Variants in HIGD1A observed in about 807,000 individuals in gnomAD.
The protein encoded by HIGD1A is HIG1 domain family member 1A, mitochondrial.
HIGD1A carries 8 observed loss-of-function variants against 11.3 expected under a neutral mutation model. The ratio of observed to expected loss-of-function variants is 0.71; its 90% confidence interval spans 0.42 to 1.28. The LOEUF is 1.28. Among genes scored for constraint, HIGD1A ranks in the 50% most tolerant of loss-of-function variants. The pLI is 0.01. For synonymous variants in HIGD1A, 32 were observed against 38.4 expected, an observed-to-expected ratio of 0.83 and a Z score of 0.62; for missense variants, 107 against 118.8, an observed-to-expected ratio of 0.90 and a Z score of 0.46.
intron 2 of HIGD1A, among the ~76,000 whole-genome samples, chr3:42,789,773 C>G (rs1700397721): frequency 6.6e-6 from 1 of 152,008 alleles, no homozygotes; most frequent in Non-Finnish European, 1.5e-5. Context: ...GTCACCCAGG[C>G]TGTAGTGGCA....
In HIGD1A at chr3:42,787,590, C is replaced by CAAAAAAA. The variant is rs375399059; in HGVS notation, c.98-1429_98-1428insTTTTTTT. Among the ~76,000 whole-genome samples, 1,083 of 115,868 alleles carry CAAAAAAA rather than the reference C, an allele frequency of 9.3e-3. 24 individuals are homozygous for CAAAAAAA. The highest frequency in any genetic ancestry group is 0.013 in the Non-Finnish European group (786 of 58,776). The allele number at this position is 115,868 out of a possible 152,430, so 76.0% of individuals were successfully genotyped here. ...TGGGCGACAGAGCGAGACTCCATCT[C>CAAAAAAA]AAAAATATATATATATATATATATA... On this transcript the variant is annotated intron_variant, in intron 2 of 3. Coordinates refer to ENST00000321331, the MANE Select transcript of HIGD1A (RefSeq NM_014056.4).
At chr3:42,792,472 G>C (rs189869489) in intron 2 of HIGD1A, among the ~76,000 whole-genome samples, 2 of 151,786 alleles carry the variant, frequency 1.3e-5, no homozygotes, top group Non-Finnish European at 2.9e-5. Flanking sequence ...AGGAGATCGA[G>C]ATCATCCTGG....
intron 2 of HIGD1A, among the ~76,000 whole-genome samples, chr3:42,787,608 T>A (rs1290755528): frequency 8.1e-6 from 1 of 122,984 alleles, no homozygotes; most frequent in Admixed American, 7.8e-5. Context: ...TATATATATA[T>A]ATATATATAT....
chr3:42,804,216 C>A (rs749654865), intron 1 of HIGD1A: 1 of 1,609,708 alleles, frequency 6.2e-7, no homozygotes, highest in Non-Finnish European at 8.5e-7. Flanking sequence ...CGTCTCCCCT[C>A]ACCCGAAGGA....
At chr3:42,800,637 T>C (rs564519803) in intron 1 of HIGD1A, among the ~76,000 whole-genome samples, 1 of 37,218 alleles carries the variant, frequency 2.7e-5, no homozygotes, top group East Asian at 3.0e-4. Context: ...GTTACAAAAC[T>C]TTTTTTTTAA....
rs184934637 is a variant in HIGD1A at position 42,800,684 on chromosome 3, A to T, written c.-23+3752T>A. 2.5e-3 allele frequency among the ~76,000 whole-genome samples: 373 copies of T among 151,914 alleles called. 3 individuals carry two copies. Among genetic ancestry groups the T allele is most frequent in the African/African-American group, 8.7e-3 (361 of 41,420 alleles). On this transcript the variant is annotated intron_variant, in intron 1 of 3. Transcript: ENST00000321331. ...TAAAATAGCAGTTGATTTCTCCATA[A>T]TTATCAGAATTATTTATATTTGAGG...
intron 2 of HIGD1A, among the ~76,000 whole-genome samples, chr3:42,787,208 G>C (rs1700362343): frequency 1.3e-5 from 2 of 151,942 alleles, no homozygotes; most frequent in South Asian, 2.1e-4. Context: ...ACAGGAAATA[G>C]ATGAAAAAAA....
intron 1 of HIGD1A, among the ~76,000 whole-genome samples, chr3:42,795,375 T>C (rs532505634): frequency 6.6e-5 from 10 of 152,202 alleles, no homozygotes; most frequent in African/African-American, 1.9e-4. Context: ...CCTGCCACCA[T>C]GCCTGGCTAA....
rs199976915 is a variant in HIGD1A, at chr3:42,786,071, C to T, written c.189G>A (p.Met63Ile). Residue 63 changes from methionine to isoleucine, a missense_variant, in exon 3 of 4, where the codon ATG becomes ATA. Coordinates refer to ENST00000321331, the MANE Select transcript of HIGD1A (RefSeq NM_014056.4). ...CAACAAAGCCTTGGGCTGCCACACG[C>T]ATGTGGATCAGATGAATGGACATTT... ...NTKMSIHLIH[M>I]RVAAQGFVVG... 7.1e-5 allele frequency: 114 copies of T among 1,613,320 alleles called. No homozygotes were observed. In the African/African-American group the frequency reaches 1.4e-3, roughly 20 times the overall value.
At chr3:42,796,165 G>C (rs1700496279) in intron 1 of HIGD1A, among the ~76,000 whole-genome samples, 1 of 152,184 alleles carries the variant, frequency 6.6e-6, no homozygotes, top group South Asian at 2.1e-4. Context: ...GCTTAGTTTA[G>C]AAAGTGAATT....
intron 1 of HIGD1A, 172 bp downstream of exon 1, chr3:42,804,264 T>A (rs1004133118): frequency 2.4e-5 from 37 of 1,531,722 alleles, no homozygotes; most frequent in Non-Finnish European, 3.1e-5. Flanking sequence ...CATCCGCCCA[T>A]GCTCGAGGCC....
rs1235453246 is a variant in HIGD1A at position 42,796,411 on chromosome 3, T to A, written c.-22-2136A>T. Among the ~76,000 whole-genome samples the A allele has an allele frequency of 2.0e-5, 3 of 150,794 alleles. No individual in the cohort carries two copies. In the East Asian group the frequency reaches 5.9e-4, roughly 30 times the overall value. On this transcript the variant is annotated intron_variant, in intron 1 of 3. Coordinates refer to ENST00000321331, the MANE Select transcript of HIGD1A (RefSeq NM_014056.4). ...TAATACAATATAAACACTAAAGTAA[T>A]TAATCGTTCAAAAATTAGTTGTTGT...
At chr3:42,802,891 G>C (rs1256298731) in intron 1 of HIGD1A, among the ~76,000 whole-genome samples, 1 of 152,170 alleles carries the variant, frequency 6.6e-6, no homozygotes, top group Non-Finnish European at 1.5e-5. Flanking sequence ...TGGCAGATAA[G>C]AATTCTGATT....
rs1238050764 is a variant in HIGD1A, at chr3:42,798,499, C to T, written c.-22-4224G>A. Among the ~76,000 whole-genome samples the T allele has an allele frequency of 9.5e-4, 2 of 2,104 alleles. 1 individual carries two copies. The highest frequency in any genetic ancestry group is 1.2e-3 in the African/African-American group (2 of 1,676). The allele number at this position is 2,104 out of a possible 152,430, so 1.4% of individuals were successfully genotyped here. A position where few individuals can be genotyped will look rare whatever the true frequency, so the allele number is the denominator to read the frequency against. ...CGGGAGGGAGGTGGGGGGGGTCAGC[C>T]CCCCTGCCCGGCCAGCCGCCCCGTC... On this transcript the variant is annotated intron_variant, in intron 1 of 3. Coordinates refer to ENST00000321331, the MANE Select transcript of HIGD1A (RefSeq NM_014056.4).
intron 1 of HIGD1A, among the ~76,000 whole-genome samples, chr3:42,796,419 T>G (rs1206279360): frequency 1.4e-5 from 2 of 146,916 alleles, no homozygotes; most frequent in East Asian, 4.2e-4. Context: ...AATTAATCGT[T>G]CAAAAATTAG....
At position 42,793,647 on chromosome 3, in the gene HIGD1A, A is replaced by G. The variant is rs573240841; in HGVS notation, c.97+510T>C. 1.3e-3 allele frequency among the ~76,000 whole-genome samples: 193 copies of G among 152,362 alleles called. 3 individuals carry two copies. The highest frequency in any genetic ancestry group is 4.1e-4 in the Non-Finnish European group (28 of 68,036). On this transcript the variant is annotated intron_variant, in intron 2 of 3. Transcript: ENST00000321331. ...CTGAGGATGGTCTTGGGGTCCCCCA[A>G]TACAACATTATGCACTGAAATAAGA...
chr3:42,792,201 A>C (rs1700428667), intron 2 of HIGD1A, among the ~76,000 whole-genome samples: 1 of 152,194 alleles, frequency 6.6e-6, no homozygotes, highest in Non-Finnish European at 1.5e-5. Flanking sequence ...TGGTCAGAAG[A>C]AAAATTCCTT....
At chr3:42,804,037 C>T in intron 1 of HIGD1A, 1 of 931,610 alleles carries the variant, frequency 1.1e-6, no homozygotes, top group East Asian at 2.8e-5. Flanking sequence ...GCCGCTTAGC[C>T]CGCTCTTCAG....
rs371072946 is a variant in HIGD1A at position 42,800,567 on chromosome 3, AT to A, written c.-23+3868del. On this transcript the variant is annotated intron_variant, in intron 1 of 3. Coordinates refer to ENST00000321331, the MANE Select transcript of HIGD1A (RefSeq NM_014056.4). The stretch of plus-strand genomic sequence containing the variant: ...TACTCTTTCCTAGCTAACTCCTCCC[AT>A]TTTTTTTTTCAGGTTTGGTTTTTCT... 1.8e-3 allele frequency among the ~76,000 whole-genome samples: 242 copies of A among 136,452 alleles called. 1 individual carries two copies. The highest frequency in any genetic ancestry group is 0.012 in the Middle Eastern group (3 of 260). 89.5% of individuals were successfully genotyped at this position (136,452 alleles called of 152,430 possible). A position where few individuals can be genotyped will look rare whatever the true frequency, so the allele number is the denominator to read the frequency against.
Sources: allele counts gnomAD v4.1 joint callset (sites outside exome capture counted in the v4.1 genomes callset), GRCh38; gene constraint gnomAD v4.1.1; transcripts MANE v1.5; gene names NCBI Gene and HGNC (gene_info 2026-07-23, HGNC 2026-07-21).